Variants in TSHZ3 observed in about 807,000 individuals in gnomAD.
TSHZ3 encodes teashirt zinc finger homeobox 3.
A neutral mutation model predicts 64.5 loss-of-function variants in TSHZ3; 10 were observed. That is an observed-to-expected ratio of 0.16 (90% confidence interval 0.10 to 0.26). The LOEUF (loss-of-function observed/expected upper bound fraction) is 0.26, where lower values mean the gene tolerates loss of function less well. Ranked by LOEUF, TSHZ3 falls within the 10% of genes least tolerant of loss-of-function variation. TSHZ3 has a pLI of 1.00. For missense variants in TSHZ3, 1,242 were observed against 1,421.7 expected (o/e 0.87, Z 2.03); for synonymous variants, 608 against 593.1 (o/e 1.03, Z -0.36).
At position 31,349,252 on chromosome 19, in the gene TSHZ3, CGCCGCCGCT is replaced by C. The variant is rs2021621784; in HGVS notation, c.-42_-34del. 2 of 1,528,340 alleles carry C rather than the reference CGCCGCCGCT, an allele frequency of 1.3e-6. No homozygotes were observed. The highest frequency in any genetic ancestry group is 1.4e-5 in the African/African-American group (1 of 70,176). 94.7% of individuals were successfully genotyped at this position (1,528,340 alleles called of 1,614,324 possible). A position where few individuals can be genotyped will look rare whatever the true frequency, so the allele number is the denominator to read the frequency against. ...CTCCGGCGACTGCCACTGCCGCCGC[CGCCGCCGCT>C]GCCGGGCTGAGGACAGGGAGGGAGG... On this transcript the variant is annotated 5_prime_UTR_variant, in exon 1 of 2. Transcript: ENST00000240587.
rs574967256 is a variant in TSHZ3 at position 31,206,228 on chromosome 19, G to C, written n.687-1150C>G. ...GAATGAATAAATGGGTGGATGATTG[G>C]ATGGATTAATGGACAAGTGGGTGGA... On this transcript the variant is annotated intron_variant and non_coding_transcript_variant, in intron 4 of 6. Coordinates refer to the TSHZ3 transcript ENST00000651361. 6.3e-4 allele frequency among the ~76,000 whole-genome samples: 95 copies of C among 151,896 alleles called. No individual in the cohort carries two copies. The South Asian group carries it at 0.012, about 19-fold the overall frequency.
intron 5 of TSHZ3, among the ~76,000 whole-genome samples, chr19:31,204,443 C>A (rs529370678): frequency 6.6e-6 from 1 of 151,954 alleles, no homozygotes; most frequent in South Asian, 2.1e-4. Flanking sequence ...TCTTTCTTTC[C>A]CCTTTTTGGG....
rs1225739398 is a variant in TSHZ3, at chr19:31,276,851, C to G, written c.2942G>C (p.Cys981Ser). 6.2e-7 allele frequency: 1 copy of G among 1,614,074 alleles called. No individual in the cohort carries two copies. The highest frequency in any genetic ancestry group is 1.3e-5 in the African/African-American group (1 of 74,918). The change falls in exon 2 of 2, where the codon TGT becomes TCT. Residue 981 changes from cysteine to serine, a missense_variant. Physicochemically the swap from Cys to Ser is moderately radical, Grantham distance 112. Transcript: ENST00000240587. ...GGAAGGAGTCCTGATTTGGGACGCACAATCGTTACAAAAGAAGACGGGGTG... is the reference window on the plus strand; with the variant it reads ...GGAAGGAGTCCTGATTTGGGACGCAGAATCGTTACAAAAGAAGACGGGGTG... ...TGHPVFFCND[C>S]ASQIRTPSTY...
chr19:31,180,482 T>C (rs1974695642), intron 5 of TSHZ3, among the ~76,000 whole-genome samples: 1 of 152,216 alleles, frequency 6.6e-6, no homozygotes, highest in African/African-American at 2.4e-5. Context: ...TTCCTGAAAT[T>C]TCCACAAGCC....
At chr19:31,314,694 T>G (rs2145158947) in intron 1 of TSHZ3, among the ~76,000 whole-genome samples, 1 of 152,364 alleles carries the variant, frequency 6.6e-6, no homozygotes, top group East Asian at 1.9e-4. Context: ...ATTAATTAAC[T>G]TTGTAGCCAG....
chr19:31,228,051 C>G (rs1205025707), exon 4 of TSHZ3, among the ~76,000 whole-genome samples: 3 of 152,182 alleles, frequency 2.0e-5, no homozygotes, highest in Admixed American at 2.0e-4. Flanking sequence ...TGGCCATTCT[C>G]ACTCCTAACA....
In TSHZ3 at chr19:31,301,954, C is replaced by T. The variant is rs534605259; in HGVS notation, c.41-22202G>A. On this transcript the variant is annotated intron_variant, in intron 1 of 1. Transcript: ENST00000240587. ...CGGCATTTGAACTCAGGTCCCTAGG[C>T]GCCTGTTACATTCCACACCCTGGAC... 2.0e-3 allele frequency among the ~76,000 whole-genome samples: 312 copies of T among 152,216 alleles called. 4 individuals carry two copies. Among genetic ancestry groups the T allele is most frequent in the Non-Finnish European group, 3.0e-3 (207 of 68,030 alleles).
intron 1 of TSHZ3, among the ~76,000 whole-genome samples, chr19:31,312,075 C>T (rs1022658526): frequency 6.6e-6 from 1 of 152,178 alleles, no homozygotes; most frequent in Non-Finnish European, 1.5e-5. Context: ...CTTTGAGTCT[C>T]AGTTTCCCCA....
At chr19:31,210,584 A>G (rs773118698) in intron 4 of TSHZ3, among the ~76,000 whole-genome samples, 8 of 152,144 alleles carry the variant, frequency 5.3e-5, no homozygotes, top group Non-Finnish European at 1.2e-4. Context: ...TTCAAGAAGA[A>G]ACAGGGGAGA....
chr19:31,350,485 C>T (rs1309290441), upstream of TSHZ3, among the ~76,000 whole-genome samples: 1 of 151,296 alleles, frequency 6.6e-6, no homozygotes, highest in Non-Finnish European at 1.5e-5. Flanking sequence ...GGGACGGGGG[C>T]GGGAGAAGGA....
intron 5 of TSHZ3, among the ~76,000 whole-genome samples, chr19:31,201,423 T>A (rs1496634): frequency 0.69 from 104,989 of 152,108 alleles, 36,382 homozygotes; most frequent in African/African-American, 0.75. Context: ...AAATACATAA[T>A]GAATGTCATA....
chr19:31,298,912 C>T (rs1461418897), intron 1 of TSHZ3, among the ~76,000 whole-genome samples: 3 of 152,158 alleles, frequency 2.0e-5, no homozygotes, highest in African/African-American at 7.2e-5. Flanking sequence ...GCGTGACACA[C>T]AGCTGGGCAC....
chr19:31,261,248 T>C (rs1284370422), intron 1 of TSHZ3, among the ~76,000 whole-genome samples: 1 of 152,200 alleles, frequency 6.6e-6, no homozygotes, highest in Non-Finnish European at 1.5e-5. Context: ...CACTGAACAC[T>C]GCTCTGATAT....
intron 1 of TSHZ3, among the ~76,000 whole-genome samples, chr19:31,346,437 T>C (rs771681412): frequency 5.3e-5 from 8 of 152,228 alleles, no homozygotes; most frequent in Non-Finnish European, 1.0e-4. Context: ...GTCGAGCTTG[T>C]CATCTCCAAT....
intron 1 of TSHZ3, among the ~76,000 whole-genome samples, chr19:31,300,282 G>A (rs932682458): frequency 2.6e-5 from 4 of 152,178 alleles, no homozygotes; most frequent in African/African-American, 9.7e-5. Flanking sequence ...AATCTATTGA[G>A]ATAGATTAAA....
At chr19:31,155,121 C>G (rs1311459718) in intron 6 of TSHZ3, among the ~76,000 whole-genome samples, 1 of 152,220 alleles carries the variant, frequency 6.6e-6, no homozygotes, top group East Asian at 1.9e-4. Context: ...AAAAGCAGAG[C>G]TAGCGAACCA....
At chr19:31,295,949 G>T (rs545612379) in intron 1 of TSHZ3, among the ~76,000 whole-genome samples, 1 of 143,872 alleles carries the variant, frequency 7.0e-6, no homozygotes, top group South Asian at 2.4e-4. Context: ...CTCCCATCTA[G>T]TAGGCCCCAG....
intron 1 of TSHZ3, among the ~76,000 whole-genome samples, chr19:31,254,785 C>T (rs572624368): frequency 2.9e-4 from 44 of 152,136 alleles, no homozygotes; most frequent in African/African-American, 9.9e-4. Flanking sequence ...CTAAGGACAG[C>T]GGGAAGTGGC....
intron 1 of TSHZ3, among the ~76,000 whole-genome samples, chr19:31,320,632 ACCTAAG>A (rs1240142208): frequency 6.6e-6 from 1 of 152,014 alleles, no homozygotes; most frequent in Non-Finnish European, 1.5e-5. Context: ...CTCTCCCTGG[ACCTAAG>A]CCTTTGAAGG....
Sources: allele counts gnomAD v4.1 joint callset (sites outside exome capture counted in the v4.1 genomes callset), GRCh38; gene constraint gnomAD v4.1.1; transcripts MANE v1.5; gene names NCBI Gene and HGNC (gene_info 2026-07-23, HGNC 2026-07-21).